Variants in PDE4B observed in about 807,000 individuals in gnomAD.
PDE4B encodes phosphodiesterase 4B.
In PDE4B, 20 loss-of-function variants were observed where a neutral mutation model predicts 82.2. The ratio of observed to expected loss-of-function variants is 0.24; its 90% CI spans 0.17 to 0.35. PDE4B has a LOEUF of 0.35. Ranked by LOEUF, PDE4B falls within the 10% of genes least tolerant of loss-of-function variation. The pLI is 1.00. For synonymous variants in PDE4B, 320 were observed against 318.9 expected (o/e 1.00, Z -0.04); for missense variants, 655 against 907.2 (o/e 0.72, Z 3.57).
chr1:66,047,991 G>A (rs7530150), intron 3 of PDE4B, among the ~76,000 whole-genome samples: 7,820 of 151,928 alleles, frequency 0.051, 581 homozygotes, highest in East Asian at 0.36. Context: ...ATGCATACAC[G>A]TTCTTTCTTT....
intron 1 of PDE4B, among the ~76,000 whole-genome samples, chr1:65,856,410 C>T (rs1646393680): frequency 1.3e-5 from 2 of 152,076 alleles, no homozygotes; most frequent in African/African-American, 2.4e-5. Flanking sequence ...TCAATTCGCA[C>T]TTATGAGTGA....
intron 3 of PDE4B, among the ~76,000 whole-genome samples, chr1:65,919,806 T>C (rs752631210): frequency 1.2e-4 from 18 of 152,154 alleles, no homozygotes; most frequent in African/African-American, 4.1e-4. Flanking sequence ...ATGTGCTCTT[T>C]GAATAATGAT....
intron 3 of PDE4B, among the ~76,000 whole-genome samples, chr1:65,979,316 C>T (rs2100647488): frequency 1.3e-5 from 2 of 152,322 alleles, no homozygotes; most frequent in South Asian, 4.1e-4. Flanking sequence ...GCTCCTGTTT[C>T]TCTGTGAATC....
chr1:66,075,727 G>A (rs115830751), intron 3 of PDE4B, among the ~76,000 whole-genome samples: 1,772 of 152,070 alleles, frequency 0.012, 38 homozygotes, highest in African/African-American at 0.041. Flanking sequence ...ACCATGCAAC[G>A]GGAAGAAGAC....
chr1:66,023,156 G>A (rs1236276176), intron 3 of PDE4B, among the ~76,000 whole-genome samples: 1 of 152,064 alleles, frequency 6.6e-6, no homozygotes, highest in Non-Finnish European at 1.5e-5. Flanking sequence ...TGTTGTCTTA[G>A]CTTTAGGCAT....
chr1:66,117,001 GCCGGTGACTGCC>G (rs890264924), intron 3 of PDE4B, among the ~76,000 whole-genome samples: 2 of 152,116 alleles, frequency 1.3e-5, no homozygotes, highest in Non-Finnish European at 2.9e-5. Context: ...CTTCCAAAGT[GCCGGTGACTGCC>G]CCATACCCTC....
intron 3 of PDE4B, among the ~76,000 whole-genome samples, chr1:66,014,011 A>G (rs979950479): frequency 2.6e-5 from 4 of 152,108 alleles, no homozygotes; most frequent in Non-Finnish European, 5.9e-5. Flanking sequence ...TAGATGGCAC[A>G]TCATCTTGGC....
intron 1 of PDE4B, among the ~76,000 whole-genome samples, chr1:65,881,169 C>T (rs1646704145): frequency 1.3e-5 from 2 of 152,148 alleles, no homozygotes; most frequent in Non-Finnish European, 1.5e-5. Context: ...TGAGTGCATT[C>T]TTTGTTTCTC....
Position 66,241,814 on chromosome 1 carries a change from G to A in PDE4B, c.282-5646G>A, listed in dbSNP as rs114860594. On this transcript the variant is annotated intron_variant, in intron 3 of 16. Coordinates refer to ENST00000341517, the MANE Select transcript of PDE4B (RefSeq NM_002600.4). ...CCTAGGACGGAGTTCCTGGGATACT[G>A]AAGGGAGAATGCGGAAAGAAGAACC... Among the ~76,000 whole-genome samples the A allele has an allele frequency of 7.9e-3, 1,207 of 152,314 alleles. 22 individuals carry two copies. The highest frequency in any genetic ancestry group is 0.027 in the African/African-American group (1,139 of 41,562).
At chr1:65,946,629 C>T (rs1648727686) in intron 3 of PDE4B, among the ~76,000 whole-genome samples, 2 of 151,938 alleles carry the variant, frequency 1.3e-5, no homozygotes, top group South Asian at 2.1e-4. Context: ...AGTTCATAGT[C>T]CTGTACTGTA....
At chr1:66,115,705 A>C (rs1023303360) in intron 3 of PDE4B, among the ~76,000 whole-genome samples, 6 of 152,218 alleles carry the variant, frequency 3.9e-5, no homozygotes, top group Non-Finnish European at 1.5e-5. Flanking sequence ...AGATCATTGC[A>C]CTGAAGAGCT....
chr1:65,944,977 T>C (rs1487095746), intron 3 of PDE4B, among the ~76,000 whole-genome samples: 4 of 151,966 alleles, frequency 2.6e-5, no homozygotes, highest in Non-Finnish European at 4.4e-5. Flanking sequence ...GGATAATGTA[T>C]CCTGATCATC....
At chr1:66,272,548 T>C (rs1655574088) in intron 7 of PDE4B, among the ~76,000 whole-genome samples, 1 of 152,194 alleles carries the variant, frequency 6.6e-6, no homozygotes, top group Non-Finnish European at 1.5e-5. Context: ...TCTGTCTTTC[T>C]GACTTTGAGT....
chr1:66,032,558 G>A (rs79110748), intron 3 of PDE4B, among the ~76,000 whole-genome samples: 1,717 of 152,210 alleles, frequency 0.011, 24 homozygotes, highest in Non-Finnish European at 0.019. Context: ...GTGCAAGATG[G>A]CAAATGTAAT....
intron 3 of PDE4B, among the ~76,000 whole-genome samples, chr1:66,101,198 A>G (rs1434689364): frequency 6.6e-6 from 1 of 152,156 alleles, no homozygotes; most frequent in East Asian, 1.9e-4. Context: ...TCCATGGTGT[A>G]TATGTGCCAC....
chr1:66,374,052 G>A lies in PDE4B; in HGVS notation c.*1374G>A, dbSNP rs2050881760. On this transcript the variant is annotated 3_prime_UTR_variant, in exon 17 of 17. Transcript: ENST00000341517. ...CCCAGGTTCTATCCAAATCTATGTG[G>A]GCATGAGTTGGGTTATAACTGGATC... The A allele has an allele frequency of 6.6e-6, 1 of 152,548 alleles. No homozygotes were observed. Among genetic ancestry groups the A allele is most frequent in the Non-Finnish European group, 1.5e-5 (1 of 68,026 alleles). The allele number at this position is 152,548 out of a possible 1,614,324, so 9.4% of individuals were successfully genotyped here. A position where few individuals can be genotyped will look rare whatever the true frequency, so the allele number is the denominator to read the frequency against.
In PDE4B at chr1:65,928,093, G is replaced by A. The variant is rs560717564; in HGVS notation, c.281+9258G>A. Reference sequence around the variant, plus strand: ...TCATTTCCCTCTCCCCAGTGGGCAGGTACCCTGGTAAAAGGCTGGAGGTCT... The same window carrying A: ...TCATTTCCCTCTCCCCAGTGGGCAGATACCCTGGTAAAAGGCTGGAGGTCT... On this transcript the variant is annotated intron_variant, in intron 3 of 16. Coordinates refer to ENST00000341517, the MANE Select transcript of PDE4B (RefSeq NM_002600.4). Among the ~76,000 whole-genome samples, 5 of 152,246 alleles carry A rather than the reference G, an allele frequency of 3.3e-5. No homozygotes were observed. In the East Asian group the frequency reaches 9.7e-4, roughly 29 times the overall value.
At chr1:66,142,778 G>T (rs1297605506) in intron 3 of PDE4B, among the ~76,000 whole-genome samples, 1 of 152,144 alleles carries the variant, frequency 6.6e-6, no homozygotes. Context: ...TTGATCTTTT[G>T]TTATCTGTCC....
At chr1:66,096,508 T>TTTTATATATATATATATATA (rs1553145340) in intron 3 of PDE4B, among the ~76,000 whole-genome samples, 1 of 107,328 alleles carries the variant, frequency 9.3e-6, no homozygotes, top group African/African-American at 3.4e-5. Context: ...GTAAAAAAAA[T>TTTTATATATATATATATATA]TATATATATA....
Sources: gnomAD v4.1 joint callset for allele counts (sites outside exome capture counted in the v4.1 genomes callset) on GRCh38, gnomAD v4.1.1 for gene constraint, MANE v1.5 for transcripts, NCBI Gene and HGNC (gene_info 2026-07-23, HGNC 2026-07-21) for gene names.